The following GUCY1A2 variants were observed in gnomAD, a reference collection of about 807,000 sequenced individuals.
The protein encoded by GUCY1A2 is guanylate cyclase soluble subunit alpha-2.
Under a neutral mutation model 63.5 loss-of-function variants are expected in GUCY1A2, and 27 were observed. The ratio of observed to expected loss-of-function variants is 0.43; its 90% CI spans 0.31 to 0.59. The LOEUF is 0.59. Ranked by LOEUF, GUCY1A2 falls within the 20% of genes least tolerant of loss-of-function variation. GUCY1A2 has a pLI of 0.11. For synonymous variants in GUCY1A2, 364 were observed against 343.5 expected (o/e 1.06, Z -0.66); for missense variants, 768 against 913.3 (o/e 0.84, Z 2.05).
At chr11:106,772,385 T>G (rs1864273536) in intron 6 of GUCY1A2, among the ~76,000 whole-genome samples, 1 of 152,162 alleles carries the variant, frequency 6.6e-6, no homozygotes, top group Admixed American at 6.5e-5. Flanking sequence ...CCCAGCAGTT[T>G]CATAATAAAA....
At chr11:106,891,533 A>AT (rs1859974550) in intron 4 of GUCY1A2, among the ~76,000 whole-genome samples, 1 of 152,208 alleles carries the variant, frequency 6.6e-6, no homozygotes, top group East Asian at 1.9e-4. Context: ...TCCTGAAGAT[A>AT]TTTTGTGATT....
intron 3 of GUCY1A2, among the ~76,000 whole-genome samples, chr11:106,977,945 T>C (rs776569180): frequency 1.3e-5 from 2 of 152,130 alleles, no homozygotes; most frequent in African/African-American, 2.4e-5. Flanking sequence ...TTAGAATACA[T>C]TGCATGGAAT....
chr11:106,928,981 A>C (rs1860566348), intron 4 of GUCY1A2, among the ~76,000 whole-genome samples: 1 of 152,198 alleles, frequency 6.6e-6, no homozygotes, highest in South Asian at 2.1e-4. Context: ...TGTTAAACAG[A>C]ATGAAGGGTT....
At chr11:106,919,100 C>T (rs1158728714) in intron 4 of GUCY1A2, among the ~76,000 whole-genome samples, 1 of 152,128 alleles carries the variant, frequency 6.6e-6, no homozygotes, top group Non-Finnish European at 1.5e-5. Flanking sequence ...GGCATTGTCT[C>T]TGCCTGCATG....
chr11:106,859,171 C>T (rs1859475333), intron 4 of GUCY1A2, among the ~76,000 whole-genome samples: 1 of 151,882 alleles, frequency 6.6e-6, no homozygotes. Context: ...TATAAATAAT[C>T]TTACATCTAC....
chr11:106,703,794 C>T (rs1318391821), intron 7 of GUCY1A2, among the ~76,000 whole-genome samples: 1 of 151,596 alleles, frequency 6.6e-6, no homozygotes, highest in South Asian at 2.1e-4. Context: ...TAATTATATA[C>T]TATATATACG....
chr11:106,712,608 ATAT>A (rs1863139831), intron 6 of GUCY1A2, among the ~76,000 whole-genome samples: 3 of 144,198 alleles, frequency 2.1e-5, no homozygotes, highest in African/African-American at 8.4e-5. Context: ...AATCTCATAA[ATAT>A]TATTGAGCTT....
intron 4 of GUCY1A2, among the ~76,000 whole-genome samples, chr11:106,890,293 C>G (rs903739802): frequency 1.3e-5 from 2 of 152,150 alleles, no homozygotes; most frequent in Non-Finnish European, 2.9e-5. Flanking sequence ...AACCAGCAAC[C>G]TGTTCTAGCT....
chr11:106,813,900 T>G (rs928956534), intron 4 of GUCY1A2, among the ~76,000 whole-genome samples: 1 of 152,068 alleles, frequency 6.6e-6, no homozygotes, highest in Non-Finnish European at 1.5e-5. Context: ...TTACTGAATT[T>G]TACTCTTTTG....
intron 4 of GUCY1A2, among the ~76,000 whole-genome samples, chr11:106,837,942 T>C (rs2135441141): frequency 6.6e-6 from 1 of 152,074 alleles, no homozygotes; most frequent in Admixed American, 6.6e-5. Context: ...ATTCCAAGCC[T>C]TTTCAAGATC....
chr11:106,945,152 G>GA (rs1387056532), intron 3 of GUCY1A2, among the ~76,000 whole-genome samples: 3,474 of 133,808 alleles, frequency 0.026, 115 homozygotes, highest in African/African-American at 0.078. Flanking sequence ...TTGGATTCCT[G>GA]AAAAAAAAAA....
At chr11:106,814,575 A>C (rs1317221051) in intron 4 of GUCY1A2, among the ~76,000 whole-genome samples, 1 of 152,068 alleles carries the variant, frequency 6.6e-6, no homozygotes, top group Non-Finnish European at 1.5e-5. Flanking sequence ...CTCTTCATCC[A>C]CATGGGCTGA....
At chr11:106,865,650 C>T (rs567146305) in intron 4 of GUCY1A2, among the ~76,000 whole-genome samples, 50 of 151,694 alleles carry the variant, frequency 3.3e-4, no homozygotes, top group Admixed American at 7.2e-4. Context: ...TGCCTGTCAG[C>T]GGGTGAGGGT....
At chr11:106,868,058 A>C (rs1399617142) in intron 4 of GUCY1A2, among the ~76,000 whole-genome samples, 1 of 152,086 alleles carries the variant, frequency 6.6e-6, no homozygotes, top group Non-Finnish European at 1.5e-5. Context: ...CTATTCCTAA[A>C]GTGAGTTAGT....
At chr11:106,949,327 C>T (rs1860873066) in intron 3 of GUCY1A2, among the ~76,000 whole-genome samples, 2 of 152,270 alleles carry the variant, frequency 1.3e-5, no homozygotes, top group South Asian at 2.1e-4. Flanking sequence ...CTCTCTCAGT[C>T]CCCCATTTCA....
chr11:106,777,775 C>T (rs1864384769), intron 5 of GUCY1A2, among the ~76,000 whole-genome samples: 1 of 151,984 alleles, frequency 6.6e-6, no homozygotes, highest in African/African-American at 2.4e-5. Context: ...ACGTGTATAC[C>T]TATGTAACAA....
chr11:106,875,977 TA>T (rs996453247), intron 4 of GUCY1A2, among the ~76,000 whole-genome samples: 1 of 152,004 alleles, frequency 6.6e-6, no homozygotes, highest in Non-Finnish European at 1.5e-5. Context: ...CCATTACAAG[TA>T]AAAAGGTGAA....
At chr11:106,864,464 G>A (rs182832363) in intron 4 of GUCY1A2, among the ~76,000 whole-genome samples, 1 of 152,148 alleles carries the variant, frequency 6.6e-6, no homozygotes, top group East Asian at 1.9e-4. Flanking sequence ...TGTTGAATAG[G>A]AGTGGTGAGA....
chr11:106,709,251 TAA>T (rs1447069382), intron 6 of GUCY1A2, among the ~76,000 whole-genome samples: 1 of 74,640 alleles, frequency 1.3e-5, no homozygotes, highest in East Asian at 2.7e-4. Flanking sequence ...ATATTGTATA[TAA>T]TATATATAAA....
Sources: gnomAD v4.1 joint callset for allele counts (sites outside exome capture counted in the v4.1 genomes callset) on GRCh38, gnomAD v4.1.1 for gene constraint, MANE v1.5 for transcripts, NCBI Gene and HGNC (gene_info 2026-07-23, HGNC 2026-07-21) for gene names.